PHACTR1: variants seen among roughly 807,000 people sequenced by gnomAD.
PHACTR1 encodes RPEL repeat containing 1.
A neutral mutation model predicts 69.2 loss-of-function variants in PHACTR1; 16 were observed. The ratio of observed to expected loss-of-function variants is 0.23; its 90% CI spans 0.16 to 0.35. The LOEUF (loss-of-function observed/expected upper bound fraction) is 0.35. PHACTR1 is among the 10% of genes least tolerant of loss of function. The pLI, the probability that PHACTR1 is intolerant of heterozygous loss-of-function variation, is 1.00. For synonymous variants in PHACTR1, 312 were observed against 284.5 expected (o/e 1.10, Z -0.97); for missense variants, 510 against 734.7 (o/e 0.69, Z 3.54).
rs560782621 is a variant in PHACTR1, at chr6:12,736,742, A to C, written c.104-12902A>C. Reference sequence around the variant, plus strand: ...ATAATTTAAAAATACAAAAATTTGCAAAAACGATATAGTACAAAGAATACA... The same window carrying C: ...ATAATTTAAAAATACAAAAATTTGCCAAAACGATATAGTACAAAGAATACA... On this transcript the variant is annotated intron_variant, in intron 3 of 14. Transcript: ENST00000332995. 1.0e-3 allele frequency among the ~76,000 whole-genome samples: 157 copies of C among 152,196 alleles called. 1 individual carries two copies. Among genetic ancestry groups the C allele is most frequent in the Non-Finnish European group, 2.8e-4 (19 of 68,030 alleles).
In PHACTR1 at chr6:12,716,836, G is replaced by A. The variant is rs1285485149; in HGVS notation, c.-342G>A. 1.3e-5 allele frequency: 2 copies of A among 152,186 alleles called. No individual in the cohort carries two copies. The highest frequency in any genetic ancestry group is 2.4e-5 in the African/African-American group (1 of 41,428). 9.4% of individuals were successfully genotyped at this position (152,186 alleles called of 1,614,324 possible). ...TTCATTTGTGCTTGCGGGCTCAGAA[G>A]CGTCGCACTGCTTTGTTTTGTACTC... On this transcript the variant is annotated 5_prime_UTR_variant, in exon 1 of 15. Transcript: ENST00000332995.
chr6:12,933,062 A>G (rs1045700093), intron 4 of PHACTR1, among the ~76,000 whole-genome samples: 2 of 151,810 alleles, frequency 1.3e-5, no homozygotes, highest in East Asian at 3.9e-4. Flanking sequence ...CAGCCTCCCA[A>G]GTAGCTGGGA....
intron 4 of PHACTR1, among the ~76,000 whole-genome samples, chr6:13,008,590 A>G (rs1799087906): frequency 6.6e-6 from 1 of 152,176 alleles, no homozygotes; most frequent in Non-Finnish European, 1.5e-5. Context: ...CTTCCAGTCT[A>G]GCATCTGCAA....
intron 4 of PHACTR1, among the ~76,000 whole-genome samples, chr6:12,836,274 T>C (rs1445289375): frequency 6.6e-6 from 1 of 152,174 alleles, no homozygotes; most frequent in Non-Finnish European, 1.5e-5. Flanking sequence ...ACTCTGTTTC[T>C]TTTTTCAGTT....
intron 4 of PHACTR1, among the ~76,000 whole-genome samples, chr6:12,792,395 C>T (rs1357508687): frequency 8.0e-6 from 1 of 125,258 alleles, no homozygotes; most frequent in African/African-American, 2.9e-5. Flanking sequence ...ACCCGGGAGG[C>T]GGAGGTTGCA....
intron 10 of PHACTR1, among the ~76,000 whole-genome samples, chr6:13,264,702 G>C (rs1776377359): frequency 6.6e-6 from 1 of 150,660 alleles, no homozygotes; most frequent in African/African-American, 2.5e-5. Context: ...CTGGGCCACA[G>C]AGTGAGCCCT....
chr6:12,804,361 G>A (rs998733735), intron 4 of PHACTR1, among the ~76,000 whole-genome samples: 3 of 152,086 alleles, frequency 2.0e-5, no homozygotes, highest in African/African-American at 7.2e-5. Context: ...CTTCTCATAT[G>A]TTCTTTCTTA....
intron 4 of PHACTR1, among the ~76,000 whole-genome samples, chr6:12,755,154 C>T (rs1242876290): frequency 6.6e-6 from 1 of 152,142 alleles, no homozygotes; most frequent in Non-Finnish European, 1.5e-5. Flanking sequence ...ATGGTATTTA[C>T]AATTACCTTA....
chr6:13,178,062 C>G (rs1375611383), intron 6 of PHACTR1, among the ~76,000 whole-genome samples: 1 of 152,346 alleles, frequency 6.6e-6, no homozygotes, highest in East Asian at 1.9e-4. Context: ...GTGGCCAGCT[C>G]TATATCTTAG....
intron 2 of PHACTR1, among the ~76,000 whole-genome samples, chr6:12,718,064 T>C (rs978414406): frequency 3.9e-5 from 6 of 152,200 alleles, no homozygotes; most frequent in African/African-American, 1.4e-4. Context: ...ACTGTAATGC[T>C]GCAATCATTC....
intron 8 of PHACTR1, among the ~76,000 whole-genome samples, chr6:13,219,372 T>C (rs1315202278): frequency 6.6e-6 from 1 of 152,158 alleles, no homozygotes; most frequent in African/African-American, 2.4e-5. Context: ...CCTGTGAATG[T>C]GTAATGTGAT....
chr6:13,287,316 C>T lies in PHACTR1; in HGVS notation c.*238C>T, dbSNP rs528884569. ...TGACACCAAAATGCATCCCAACCCC[C>T]GGCAGTGCCAAGGGCACCAGCAGGG... On this transcript the variant is annotated 3_prime_UTR_variant, in exon 15 of 15. Coordinates refer to ENST00000332995, the MANE Select transcript of PHACTR1 (RefSeq NM_030948.6). The T allele has an allele frequency of 1.1e-4, 61 of 552,896 alleles. 1 individual carries two copies. The highest frequency in any genetic ancestry group is 9.0e-4 in the South Asian group (42 of 46,462). The allele number at this position is 552,896 out of a possible 1,614,324, so 34.2% of individuals were successfully genotyped here.
chr6:12,997,894 A>G (rs1329054486), intron 4 of PHACTR1, among the ~76,000 whole-genome samples: 1 of 152,168 alleles, frequency 6.6e-6, no homozygotes, highest in Non-Finnish European at 1.5e-5. Flanking sequence ...CAGAGCTTGC[A>G]GTGAGCCGAG....
chr6:12,863,992 G>A (rs547228275), intron 4 of PHACTR1, among the ~76,000 whole-genome samples: 4 of 152,250 alleles, frequency 2.6e-5, no homozygotes, highest in Non-Finnish European at 4.4e-5. Context: ...TTCATGCACC[G>A]ACACTAAGGC....
intron 10 of PHACTR1, among the ~76,000 whole-genome samples, chr6:13,257,181 A>G (rs570071132): frequency 3.9e-5 from 6 of 152,188 alleles, no homozygotes; most frequent in African/African-American, 1.4e-4. Context: ...CAGGAGCAGG[A>G]GCAAGAGAGA....
chr6:13,208,663 T>C (rs867676548), intron 8 of PHACTR1, among the ~76,000 whole-genome samples: 5 of 128,352 alleles, frequency 3.9e-5, no homozygotes, highest in Non-Finnish European at 6.4e-5. Flanking sequence ...ATGCACCCAC[T>C]AAGTTTTCAT....
chr6:13,133,374 G>A (rs970923115), intron 5 of PHACTR1, among the ~76,000 whole-genome samples: 4 of 151,188 alleles, frequency 2.6e-5, no homozygotes, highest in Non-Finnish European at 4.4e-5. Flanking sequence ...CCGCCATCTC[G>A]GCTCACTGCA....
At chr6:13,198,369 T>C (rs1318454600) in intron 7 of PHACTR1, among the ~76,000 whole-genome samples, 1 of 152,214 alleles carries the variant, frequency 6.6e-6, no homozygotes, top group Non-Finnish European at 1.5e-5. Flanking sequence ...GATGATGGGC[T>C]TCCTAAAGGA....
At chr6:13,276,306 C>A (rs1025959040) in intron 11 of PHACTR1, among the ~76,000 whole-genome samples, 1 of 152,260 alleles carries the variant, frequency 6.6e-6, no homozygotes, top group Middle Eastern at 3.4e-3. Context: ...TGCCCACAGG[C>A]GGTTGGGGGG....
Sources: gnomAD v4.1 joint callset for allele counts (sites outside exome capture counted in the v4.1 genomes callset) on GRCh38, gnomAD v4.1.1 for gene constraint, MANE v1.5 for transcripts, NCBI Gene and HGNC (gene_info 2026-07-23, HGNC 2026-07-21) for gene names.